ATP5PF: variants seen among roughly 807,000 people sequenced by gnomAD.
ATP5PF encodes ATP synthase peripheral stalk subunit F6, mitochondrial.
A neutral mutation model predicts 12.0 loss-of-function variants in ATP5PF; 7 were observed. The observed-to-expected ratio is 0.58, with a 90% CI of 0.33 to 1.10. The LOEUF is 1.10. Ranked by LOEUF, ATP5PF falls within the 50% of genes least tolerant of loss-of-function variation. The pLI, the probability that ATP5PF is intolerant of heterozygous loss-of-function variation, is 0.03. For missense variants in ATP5PF, 120 were observed against 127.7 expected (o/e 0.94, Z 0.29); for synonymous variants, 41 against 45.4 (o/e 0.90, Z 0.39).
chr21:25,731,219 AT>A (rs1202259501), intron 1 of ATP5PF, among the ~76,000 whole-genome samples: 2 of 152,146 alleles, frequency 1.3e-5, no homozygotes, highest in Non-Finnish European at 2.9e-5. Flanking sequence ...TCCAGCCTGG[AT>A]GCAGGGCAAG....
chr21:25,735,312 T>C (rs114422129), upstream of ATP5PF: 2,169 of 292,338 alleles, frequency 7.4e-3, 54 homozygotes, highest in African/African-American at 0.044. Flanking sequence ...TGCTTCCTTG[T>C]ACCTCGTGAG....
In ATP5PF at chr21:25,725,364, G is replaced by A. The variant is rs952188898; in HGVS notation, c.165-14C>T. On this transcript the variant is annotated splice_polypyrimidine_tract_variant and intron_variant, in intron 2 of 3. Coordinates refer to ENST00000284971, the MANE Select transcript of ATP5PF (RefSeq NM_001003703.2). ...CCTCCAGATGTCCTGTTAAGTAAAT[G>A]AGCAAACAAAAATTAATTTTGTGTA... 6.4e-6 allele frequency: 10 copies of A among 1,560,412 alleles called. No individual in the cohort carries two copies. Among genetic ancestry groups the A allele is most frequent in the Non-Finnish European group, 7.8e-6 (9 of 1,159,190 alleles).
intron 1 of ATP5PF, chr21:25,734,630 T>G: frequency 1.5e-4 from 60 of 400,452 alleles, no homozygotes; most frequent in East Asian, 4.5e-4. Flanking sequence ...GCCGCCCCGA[T>G]TTGCCCTCAG....
At chr21:25,728,911 G>T (rs368406284) in intron 2 of ATP5PF, among the ~76,000 whole-genome samples, 1 of 152,148 alleles carries the variant, frequency 6.6e-6, no homozygotes, top group Non-Finnish European at 1.5e-5. Context: ...GGCCCATCAC[G>T]GTTAATAGCC....
At position 25,734,901 on chromosome 21, in the gene ATP5PF, C is replaced by G. The variant is rs746228556; in HGVS notation, c.-56G>C. ...AAAGCCTCCGCCGCCACCACCTCCG[C>G]TCTACTTCCGGCCCTGGCTCCGCCC... On this transcript the variant is annotated 5_prime_UTR_variant, in exon 1 of 4. Transcript: ENST00000284971. 6.4e-7 allele frequency: 1 copy of G among 1,561,970 alleles called. No homozygotes were observed. Among genetic ancestry groups the G allele is most frequent in the South Asian group, 1.2e-5 (1 of 85,102 alleles).
At chr21:25,734,739 G>C in intron 1 of ATP5PF, 114 bp downstream of exon 1, 1 of 1,099,566 alleles carries the variant, frequency 9.1e-7, no homozygotes, top group African/African-American at 1.6e-5. Context: ...AGGTCCCCAG[G>C]ACACAGAGCT....
intron 2 of ATP5PF, among the ~76,000 whole-genome samples, chr21:25,729,216 G>A (rs186651114): frequency 2.2e-4 from 33 of 152,274 alleles, no homozygotes; most frequent in African/African-American, 7.7e-4. Context: ...CCACTAAATT[G>A]AGGCTAAAAT....
At chr21:25,725,147 G>A (rs11909995) in intron 3 of ATP5PF, 79 bp downstream of exon 3, 311,627 of 1,515,726 alleles carry the variant, frequency 0.21, 37,981 homozygotes, top group African/African-American at 0.55. Context: ...CTGTCATTCA[G>A]TTCTCTAAAA....
At chr21:25,728,095 C>G (rs1009465970) in intron 2 of ATP5PF, among the ~76,000 whole-genome samples, 15 of 152,188 alleles carry the variant, frequency 9.9e-5, no homozygotes, top group Non-Finnish European at 2.9e-5. Flanking sequence ...GACTCTGTCA[C>G]TTTTACATTA....
intron 3 of ATP5PF, 128 bp downstream of exon 3, chr21:25,725,098 A>T: frequency 7.9e-7 from 1 of 1,265,080 alleles, no homozygotes; most frequent in Non-Finnish European, 1.1e-6. Context: ...GCAGCTTCTC[A>T]GGCACACGTC....
intron 1 of ATP5PF, among the ~76,000 whole-genome samples, chr21:25,730,852 G>A (rs1169884307): frequency 6.7e-6 from 1 of 148,788 alleles, no homozygotes; most frequent in Non-Finnish European, 1.5e-5. Context: ...TTCAGTAGAG[G>A]ACAATTCCTG....
Position 25,725,451 on chromosome 21 carries a change from T to C in ATP5PF, c.165-101A>G, listed in dbSNP as rs80306067. 14 of 1,308,100 alleles carry C rather than the reference T, an allele frequency of 1.1e-5. No homozygotes were observed. In the South Asian group the frequency reaches 2.0e-4, roughly 19 times the overall value. The allele number at this position is 1,308,100 out of a possible 1,614,324, so 81.0% of individuals were successfully genotyped here. A position where few individuals can be genotyped will look rare whatever the true frequency, so the allele number is the denominator to read the frequency against. On this transcript the variant is annotated intron_variant, in intron 2 of 3. Coordinates refer to ENST00000284971, the MANE Select transcript of ATP5PF (RefSeq NM_001003703.2). The stretch of plus-strand genomic sequence containing the variant: ...ATTCCAACAGATCTTTTTTTTTTTT[T>C]CTTTTTTGAGACGGAGTCTTGCTTG...
rs901459950 is a variant in ATP5PF, at chr21:25,731,558, C to CT, written c.-7-1758dup. 4.9e-3 allele frequency among the ~76,000 whole-genome samples: 700 copies of CT among 142,312 alleles called. 13 individuals carry two copies. The East Asian group carries it at 0.068, about 14-fold the overall frequency. The allele number at this position is 142,312 out of a possible 152,430, so 93.4% of individuals were successfully genotyped here. On this transcript the variant is annotated intron_variant, in intron 1 of 3. Coordinates refer to ENST00000284971, the MANE Select transcript of ATP5PF (RefSeq NM_001003703.2). ...TGCCATCACACCAGGCTAATTTTTA[C>CT]TTTTTTTTTTTTTTTGTAGAGACGA...
At chr21:25,724,848 T>G (rs958903381) in intron 3 of ATP5PF, 171 bp from the exon 4 acceptor site, 8 of 670,288 alleles carry the variant, frequency 1.2e-5, no homozygotes, top group Non-Finnish European at 2.0e-5. Flanking sequence ...CTATGAGCCA[T>G]GCATTCCATT....
chr21:25,733,555 C>T (rs1199722857), intron 1 of ATP5PF, among the ~76,000 whole-genome samples: 1 of 151,834 alleles, frequency 6.6e-6, no homozygotes, highest in African/African-American at 2.4e-5. Flanking sequence ...CAAAGTTACA[C>T]AGCAAAATCT....
intron 2 of ATP5PF, among the ~76,000 whole-genome samples, chr21:25,728,797 T>A (rs552114260): frequency 6.6e-6 from 1 of 152,304 alleles, no homozygotes; most frequent in East Asian, 1.9e-4. Context: ...GCACCCAGCG[T>A]TTCCCTACCT....
At chr21:25,734,483 G>T in intron 1 of ATP5PF, 2 of 747,152 alleles carry the variant, frequency 2.7e-6, no homozygotes, top group Non-Finnish European at 1.7e-6. Flanking sequence ...AATGGTACAC[G>T]TTCTGCCTAA....
At position 25,730,736 on chromosome 21, in the gene ATP5PF, C is replaced by CAAAAAAAAAAAAAAAAAAAA. The variant is rs71183508; in HGVS notation, c.-7-955_-7-936dup. On this transcript the variant is annotated intron_variant, in intron 1 of 3. Coordinates refer to ENST00000284971, the MANE Select transcript of ATP5PF (RefSeq NM_001003703.2). ...GCAACAAGAGCAAGACTCCGTCTCA[C>CAAAAAAAAAAAAAAAAAAAA]AAAAAAAAAAAAAAAAAAAAAAAAA... is the stretch of plus-strand genomic sequence containing the variant. Among the ~76,000 whole-genome samples, 14 of 31,894 alleles carry CAAAAAAAAAAAAAAAAAAAA rather than the reference C, an allele frequency of 4.4e-4. 2 individuals are homozygous for CAAAAAAAAAAAAAAAAAAAA. Among genetic ancestry groups the CAAAAAAAAAAAAAAAAAAAA allele is most frequent in the Non-Finnish European group, 8.3e-4 (12 of 14,382 alleles). 20.9% of individuals were successfully genotyped at this position (31,894 alleles called of 152,430 possible).
In ATP5PF at chr21:25,724,957, T is replaced by C. The variant is rs1187744235; in HGVS notation, c.289+269A>G. The C allele has an allele frequency of 8.5e-6, 5 of 588,986 alleles. No individual in the cohort carries two copies. In the South Asian group the frequency reaches 1.1e-4, roughly 13 times the overall value. 36.5% of individuals were successfully genotyped at this position (588,986 alleles called of 1,614,324 possible). A position where few individuals can be genotyped will look rare whatever the true frequency, so the allele number is the denominator to read the frequency against. On this transcript the variant is annotated intron_variant, in intron 3 of 3. Coordinates refer to ENST00000284971, the MANE Select transcript of ATP5PF (RefSeq NM_001003703.2). ...GAGGAGACATGCACCAGTTAATTACTCAAGATTACACAGCTGAAAGTGATT... is the reference window on the plus strand; with the variant it reads ...GAGGAGACATGCACCAGTTAATTACCCAAGATTACACAGCTGAAAGTGATT...
Sources: gnomAD v4.1 joint callset for allele counts (sites outside exome capture counted in the v4.1 genomes callset) on GRCh38, gnomAD v4.1.1 for gene constraint, MANE v1.5 for transcripts, NCBI Gene and HGNC (gene_info 2026-07-23, HGNC 2026-07-21) for gene names.